EHBP1: variants seen among roughly 807,000 people sequenced by gnomAD.
EHBP1 encodes the protein EH domain-binding protein 1.
In EHBP1, 55 loss-of-function variants were observed where a neutral mutation model predicts 144.0. That is an observed-to-expected ratio of 0.38 (90% CI 0.31 to 0.48). The LOEUF is 0.48. EHBP1 is among the 20% of genes least tolerant of loss of function. EHBP1 has a pLI of 0.98. For synonymous variants in EHBP1, 469 were observed against 472.7 expected (o/e 0.99, Z 0.10); for missense variants, 1,200 against 1,364.2 (o/e 0.88, Z 1.90).
chr2:62,717,250 G>C (rs2035771904), intron 2 of EHBP1, among the ~76,000 whole-genome samples: 1 of 152,116 alleles, frequency 6.6e-6, no homozygotes, highest in Admixed American at 6.5e-5. Flanking sequence ...TTATGATTTA[G>C]TTTAGTTTCA....
chr2:62,897,470 A>G (rs1053828587), intron 10 of EHBP1, among the ~76,000 whole-genome samples: 2 of 152,248 alleles, frequency 1.3e-5, no homozygotes, highest in African/African-American at 4.8e-5. Context: ...GTCAAAGTAT[A>G]AATGACTGTA....
At chr2:63,008,129 A>G (rs939043635) in intron 19 of EHBP1, among the ~76,000 whole-genome samples, 1 of 151,778 alleles carries the variant, frequency 6.6e-6, no homozygotes, top group African/African-American at 2.4e-5. Context: ...AAAGAAATGA[A>G]AATTTAAATA....
intron 5 of EHBP1, among the ~76,000 whole-genome samples, chr2:62,775,074 CAT>C (rs2152385335): frequency 6.6e-6 from 1 of 152,230 alleles, no homozygotes; most frequent in African/African-American, 2.4e-5. Flanking sequence ...TTTATGATTA[CAT>C]AGTTATAATG....
chr2:63,019,858 AGG>A (rs2060643748), intron 19 of EHBP1, among the ~76,000 whole-genome samples: 1 of 134,328 alleles, frequency 7.4e-6, no homozygotes, highest in Non-Finnish European at 1.7e-5. Context: ...GAAGGAAGGA[AGG>A]AAGGAAGGAA....
At chr2:62,736,873 T>A (rs1167073868) in intron 2 of EHBP1, among the ~76,000 whole-genome samples, 1 of 152,190 alleles carries the variant, frequency 6.6e-6, no homozygotes, top group East Asian at 1.9e-4. Context: ...TCAAACTCTG[T>A]TTTTTGCCTT....
chr2:62,839,687 A>G (rs1012602196), intron 7 of EHBP1, among the ~76,000 whole-genome samples: 4 of 152,070 alleles, frequency 2.6e-5, no homozygotes, highest in African/African-American at 9.7e-5. Context: ...AAGCATTCTT[A>G]TACACCAACA....
At position 62,738,733 on chromosome 2, in the gene EHBP1, A is replaced by G. The variant is rs558193287; in HGVS notation, c.105-8662A>G. 1.0e-3 allele frequency among the ~76,000 whole-genome samples: 152 copies of G among 152,324 alleles called. 3 individuals carry two copies. In the South Asian group the frequency reaches 0.031, roughly 31 times the overall value. On this transcript the variant is annotated intron_variant, in intron 2 of 22. Coordinates refer to ENST00000431489, the MANE Select transcript of EHBP1 (RefSeq NM_001142616.3). ...TTCTGGAAGATTTCCTCAAATTTAT[A>G]TTCCAACTCTGCATTTTTTGCTCAC...
At chr2:62,685,278 A>G (rs1572862481) in intron 1 of EHBP1, among the ~76,000 whole-genome samples, 2 of 152,170 alleles carry the variant, frequency 1.3e-5, no homozygotes, top group African/African-American at 4.8e-5. Context: ...ATCACTTTGT[A>G]CCCCATAAAT....
chr2:62,853,046 T>G (rs2048793769), intron 7 of EHBP1, among the ~76,000 whole-genome samples: 1 of 152,196 alleles, frequency 6.6e-6, no homozygotes, highest in Admixed American at 6.5e-5. Flanking sequence ...CAAAATATAT[T>G]TACTCATTTA....
intron 10 of EHBP1, among the ~76,000 whole-genome samples, chr2:62,919,149 T>C (rs1011102467): frequency 1.3e-5 from 2 of 152,204 alleles, no homozygotes; most frequent in Non-Finnish European, 2.9e-5. Context: ...ATTTGTTCTC[T>C]TATTGCTGAT....
At chr2:62,847,709 C>G (rs1484904119) in intron 7 of EHBP1, among the ~76,000 whole-genome samples, 1 of 152,068 alleles carries the variant, frequency 6.6e-6, no homozygotes, top group Non-Finnish European at 1.5e-5. Flanking sequence ...ACGAGCAAGT[C>G]ATAGATTAGA....
At chr2:62,679,469 A>G (rs2033431799) in intron 1 of EHBP1, among the ~76,000 whole-genome samples, 2 of 152,130 alleles carry the variant, frequency 1.3e-5, no homozygotes, top group Non-Finnish European at 2.9e-5. Context: ...TTTAGCATTT[A>G]TATTTTCTTT....
intron 7 of EHBP1, among the ~76,000 whole-genome samples, chr2:62,845,011 A>G (rs1156453872): frequency 6.6e-6 from 1 of 152,190 alleles, no homozygotes; most frequent in African/African-American, 2.4e-5. Context: ...CAACTTGGGT[A>G]CAAAGTGACA....
chr2:62,981,326 A>G (rs1344537480), intron 15 of EHBP1, among the ~76,000 whole-genome samples: 4 of 152,164 alleles, frequency 2.6e-5, no homozygotes, highest in African/African-American at 7.2e-5. Context: ...GCCTCCTTAT[A>G]TCTTTGAGTC....
At chr2:62,769,234 C>T (rs547178898) in intron 4 of EHBP1, among the ~76,000 whole-genome samples, 20 of 152,124 alleles carry the variant, frequency 1.3e-4, no homozygotes, top group African/African-American at 1.9e-4. Flanking sequence ...TGTTTGTAGA[C>T]GACATGATCC....
At chr2:62,897,952 C>T (rs924416374) in intron 10 of EHBP1, among the ~76,000 whole-genome samples, 1 of 152,156 alleles carries the variant, frequency 6.6e-6, no homozygotes, top group South Asian at 2.1e-4. Flanking sequence ...TGGCTAGTTT[C>T]TCTAAAGAGC....
At chr2:62,830,933 G>C in intron 6 of EHBP1, 86 bp from the exon 7 acceptor site, 1 of 1,406,656 alleles carries the variant, frequency 7.1e-7, no homozygotes, top group Non-Finnish European at 9.7e-7. Flanking sequence ...CTTATAGAAA[G>C]AAGGAATTTA....
intron 7 of EHBP1, among the ~76,000 whole-genome samples, chr2:62,838,310 A>G (rs1237154479): frequency 6.6e-6 from 1 of 152,252 alleles, no homozygotes; most frequent in Non-Finnish European, 1.5e-5. Context: ...AAGACACAAC[A>G]TACCACAATC....
chr2:62,813,261 GGTAGGCCTTA>G (rs200585918), intron 5 of EHBP1, among the ~76,000 whole-genome samples: 3,450 of 152,340 alleles, frequency 0.023, 51 homozygotes, highest in Middle Eastern at 0.048. Flanking sequence ...AGGCTCAACC[GGTAGGCCTTA>G]GTGGCATCCA....
Sources: gnomAD v4.1 joint callset for allele counts (sites outside exome capture counted in the v4.1 genomes callset) on GRCh38, gnomAD v4.1.1 for gene constraint, MANE v1.5 for transcripts, NCBI Gene and HGNC (gene_info 2026-07-23, HGNC 2026-07-21) for gene names.